Variants in AGBL4 observed in about 807,000 individuals in gnomAD.
AGBL4 encodes cytosolic carboxypeptidase 6.
Under a neutral mutation model 66.4 loss-of-function variants are expected in AGBL4, and 58 were observed. The observed-to-expected ratio is 0.87, with a 90% CI of 0.71 to 1.09. The LOEUF (loss-of-function observed/expected upper bound fraction) is 1.09, where lower values mean the gene tolerates loss of function less well. Ranked by LOEUF, AGBL4 falls within the 50% of genes least tolerant of loss-of-function variation. AGBL4 has a pLI of 0.00. For synonymous variants in AGBL4, 234 were observed against 222.9 expected, an observed-to-expected ratio of 1.05 and a Z score of -0.44; for missense variants, 579 against 631.0, an observed-to-expected ratio of 0.92 and a Z score of 0.88.
chr1:49,422,320 C>T (rs899065806), intron 3 of AGBL4, among the ~76,000 whole-genome samples: 6 of 152,152 alleles, frequency 3.9e-5, no homozygotes, highest in Non-Finnish European at 5.9e-5. Flanking sequence ...CTTCTCTGCA[C>T]ATCCTTAAAA....
At chr1:48,594,775 T>A (rs1183130839) in intron 9 of AGBL4, among the ~76,000 whole-genome samples, 1 of 152,138 alleles carries the variant, frequency 6.6e-6, no homozygotes, top group African/African-American at 2.4e-5. Context: ...CCCACTGACA[T>A]TTCTATCCCC....
intron 3 of AGBL4, among the ~76,000 whole-genome samples, chr1:49,287,636 G>C (rs1002224346): frequency 6.6e-6 from 1 of 152,188 alleles, no homozygotes; most frequent in African/African-American, 2.4e-5. Flanking sequence ...CTGGCCATCA[G>C]AGAAATGCAA....
chr1:49,324,073 A>C (rs1164274591), intron 3 of AGBL4, among the ~76,000 whole-genome samples: 2 of 152,250 alleles, frequency 1.3e-5, no homozygotes, highest in Non-Finnish European at 2.9e-5. Flanking sequence ...TTAACGAATA[A>C]ATGACTTTCA....
intron 5 of AGBL4, among the ~76,000 whole-genome samples, chr1:49,026,152 T>G (rs898980655): frequency 3.9e-5 from 6 of 152,164 alleles, no homozygotes; most frequent in Non-Finnish European, 7.4e-5. Context: ...ATAGATTGCA[T>G]AAAAATTGAG....
chr1:49,918,946 C>T, intron 1 of AGBL4, among the ~76,000 whole-genome samples: 1 of 152,120 alleles, frequency 6.6e-6, no homozygotes, highest in East Asian at 1.9e-4. Context: ...AATCAATAAA[C>T]ATAATCCAGC....
At chr1:49,261,371 C>A (rs941331764) in intron 3 of AGBL4, among the ~76,000 whole-genome samples, 14 of 152,220 alleles carry the variant, frequency 9.2e-5, no homozygotes, top group Admixed American at 8.5e-4. Flanking sequence ...GTCAAATTGT[C>A]CCTGTTTGCA....
At chr1:49,914,793 T>C (rs1651222173) in intron 1 of AGBL4, among the ~76,000 whole-genome samples, 1 of 152,182 alleles carries the variant, frequency 6.6e-6, no homozygotes, top group Non-Finnish European at 1.5e-5. Flanking sequence ...CTCACAGTTC[T>C]GAAGCCTAGG....
At chr1:49,171,453 G>C (rs1646736688) in intron 4 of AGBL4, among the ~76,000 whole-genome samples, 1 of 152,082 alleles carries the variant, frequency 6.6e-6, no homozygotes, top group Non-Finnish European at 1.5e-5. Flanking sequence ...TTCCAAATGG[G>C]TTTAGAGTAG....
intron 3 of AGBL4, among the ~76,000 whole-genome samples, chr1:49,496,466 C>G (rs1647577884): frequency 6.6e-6 from 1 of 151,812 alleles, no homozygotes; most frequent in Non-Finnish European, 1.5e-5. Context: ...CAATAAATCT[C>G]TTGAATTTAT....
chr1:49,546,297 ATATG>A (rs773309932), intron 3 of AGBL4, among the ~76,000 whole-genome samples: 1 of 150,884 alleles, frequency 6.6e-6, no homozygotes, highest in Non-Finnish European at 1.5e-5. Context: ...ATATATATGT[ATATG>A]TATTTATATA....
intron 3 of AGBL4, among the ~76,000 whole-genome samples, chr1:49,680,741 G>GT (rs773866915): frequency 1.1e-4 from 17 of 151,924 alleles, no homozygotes; most frequent in Non-Finnish European, 1.8e-4. Context: ...CAATCTATAG[G>GT]TTTATGTATT....
chr1:49,410,523 T>C (rs1645294960), intron 3 of AGBL4, among the ~76,000 whole-genome samples: 4 of 152,308 alleles, frequency 2.6e-5, no homozygotes, highest in South Asian at 4.1e-4. Context: ...CAGCCACAAC[T>C]TGAGCATAGC....
intron 2 of AGBL4, among the ~76,000 whole-genome samples, chr1:49,794,714 A>T (rs1406914077): frequency 6.6e-6 from 1 of 151,972 alleles, no homozygotes; most frequent in Non-Finnish European, 1.5e-5. Context: ...ATGTTTATAG[A>T]CTCATGTTCC....
chr1:49,682,225 G>A (rs1160676224), intron 3 of AGBL4, among the ~76,000 whole-genome samples: 2 of 152,082 alleles, frequency 1.3e-5, no homozygotes, highest in African/African-American at 2.4e-5. Context: ...GGCCAACATG[G>A]TGAAACCCCA....
Position 49,873,856 on chromosome 1 carries a change from C to A in AGBL4, c.35-22338G>T, listed in dbSNP as rs184703694. ...GAGAAAAAAACAAAACAAACAAATA[C>A]CAGCAAGATTTTTTTTGTAGAAATC... On this transcript the variant is annotated intron_variant, in intron 1 of 13. Coordinates refer to ENST00000371839, the MANE Select transcript of AGBL4 (RefSeq NM_032785.4). Among the ~76,000 whole-genome samples, 27 of 152,118 alleles carry A rather than the reference C, an allele frequency of 1.8e-4. No individual in the cohort carries two copies. In the East Asian group the frequency reaches 3.5e-3, roughly 20 times the overall value.
intron 5 of AGBL4, among the ~76,000 whole-genome samples, chr1:48,900,297 A>G (rs1651957140): frequency 6.6e-6 from 1 of 152,244 alleles, no homozygotes; most frequent in Non-Finnish European, 1.5e-5. Flanking sequence ...AGAAGCCATT[A>G]AAGAATTTTT....
At chr1:48,791,376 G>A (rs1645546281) in intron 6 of AGBL4, among the ~76,000 whole-genome samples, 1 of 152,132 alleles carries the variant, frequency 6.6e-6, no homozygotes, top group Non-Finnish European at 1.5e-5. Context: ...CCTTCCCCTT[G>A]GAGTCTATCT....
At chr1:48,584,446 A>T (rs1279804881) in intron 11 of AGBL4, 2 of 152,274 alleles carry the variant, frequency 1.3e-5, no homozygotes, top group Non-Finnish European at 2.9e-5. Context: ...GGCCGGGCTC[A>T]GTGGCTTACA....
rs184304582 is a variant in AGBL4, at chr1:48,752,984, G to A, written c.635-89743C>T. Among the ~76,000 whole-genome samples, 31 of 152,234 alleles carry A rather than the reference G, an allele frequency of 2.0e-4. No individual in the cohort carries two copies. In the South Asian group the frequency reaches 5.6e-3, roughly 27 times the overall value. ...AGGATGGTCTCGATCTCTTGACCTCGTGATCCGCCTGCCTCGGCCTCCCAA... is the reference window on the plus strand; with the variant it reads ...AGGATGGTCTCGATCTCTTGACCTCATGATCCGCCTGCCTCGGCCTCCCAA... On this transcript the variant is annotated intron_variant, in intron 6 of 13. Coordinates refer to ENST00000371839, the MANE Select transcript of AGBL4 (RefSeq NM_032785.4).
Sources: allele counts gnomAD v4.1 joint callset (sites outside exome capture counted in the v4.1 genomes callset), GRCh38; gene constraint gnomAD v4.1.1; transcripts MANE v1.5; gene names NCBI Gene and HGNC (gene_info 2026-07-23, HGNC 2026-07-21).